Variants in HSF2BP observed in about 807,000 individuals in gnomAD.
HSF2BP encodes heat shock transcription factor 2 binding protein.
Under a neutral mutation model 35.0 loss-of-function variants are expected in HSF2BP, and 35 were observed. The observed-to-expected ratio is 1.00, with a 90% confidence interval of 0.76 to 1.32. HSF2BP has a LOEUF of 1.32. Among genes scored for constraint, HSF2BP ranks in the 40% most tolerant of loss-of-function variants. HSF2BP has a pLI of 0.00. For synonymous variants in HSF2BP, 114 were observed against 117.4 expected (o/e 0.97, Z 0.18); for missense variants, 326 against 321.7 (o/e 1.01, Z -0.10).
At chr21:43,637,337 T>A (rs756311136) in intron 4 of HSF2BP, among the ~76,000 whole-genome samples, 1 of 152,172 alleles carries the variant, frequency 6.6e-6, no homozygotes, top group South Asian at 2.1e-4. Flanking sequence ...ATTCTGTTCC[T>A]ACAAAATATT....
At chr21:43,633,141 A>T in intron 5 of HSF2BP, 131 bp downstream of exon 5, 1 of 928,494 alleles carries the variant, frequency 1.1e-6, no homozygotes, top group Non-Finnish European at 1.6e-6. Context: ...GTATTCAATA[A>T]CTAGCTGATG....
At chr21:43,637,272 C>G (rs2082575809) in intron 4 of HSF2BP, among the ~76,000 whole-genome samples, 1 of 152,088 alleles carries the variant, frequency 6.6e-6, no homozygotes, top group African/African-American at 2.4e-5. Context: ...CACAAATAAA[C>G]CTTCAAAACA....
intron 4 of HSF2BP, among the ~76,000 whole-genome samples, chr21:43,638,820 C>T (rs748911469): frequency 2.0e-5 from 3 of 152,024 alleles, no homozygotes; most frequent in Non-Finnish European, 2.9e-5. Context: ...AAAATTTATG[C>T]GGAAAAGCAA....
chr21:43,609,415 T>C (rs1418781694), intron 7 of HSF2BP, among the ~76,000 whole-genome samples: 2 of 152,160 alleles, frequency 1.3e-5, no homozygotes, highest in African/African-American at 2.4e-5. Flanking sequence ...CCTGCACATG[T>C]ACCCCCTGAA....
chr21:43,575,714 A>G (rs749084525), intron 8 of HSF2BP, among the ~76,000 whole-genome samples: 69 of 152,246 alleles, frequency 4.5e-4, no homozygotes, highest in Non-Finnish European at 8.7e-4. Context: ...GGATCCCACT[A>G]TAGACTAAAA....
intron 4 of HSF2BP, among the ~76,000 whole-genome samples, chr21:43,635,398 A>G (rs763799018): frequency 2.6e-5 from 4 of 152,236 alleles, no homozygotes; most frequent in Non-Finnish European, 4.4e-5. Context: ...GAACAATGTT[A>G]GAAGACTAAC....
chr21:43,575,096 T>C (rs906657440), intron 8 of HSF2BP, among the ~76,000 whole-genome samples: 3 of 152,242 alleles, frequency 2.0e-5, no homozygotes, highest in Non-Finnish European at 4.4e-5. Flanking sequence ...CTTCATGTCT[T>C]ATTCCCATTT....
At chr21:43,589,311 T>C (rs781477860) in intron 8 of HSF2BP, among the ~76,000 whole-genome samples, 9 of 152,224 alleles carry the variant, frequency 5.9e-5, no homozygotes, top group Non-Finnish European at 1.0e-4. Flanking sequence ...TCAGTTCCTC[T>C]GCTCTTAACA....
intron 7 of HSF2BP, among the ~76,000 whole-genome samples, chr21:43,595,163 G>A (rs1355199589): frequency 1.3e-5 from 2 of 152,196 alleles, no homozygotes; most frequent in Non-Finnish European, 2.9e-5. Context: ...TAGAGAGGCT[G>A]AGGCAGGAGA....
rs2082507581 is a variant in HSF2BP at position 43,633,308 on chromosome 21, G to T, written c.405C>A (p.Ser135=). The change falls in exon 5 of 9, where the codon TCC becomes TCA. Residue 135 remains serine (S), a synonymous_variant. Transcript: ENST00000291560. ...TGGCCTTGACGACTTCCTCACTGCT[G>T]GAGACACCCCACAAGAGGGTACACG... ...AAACTLLWGV[S]SSEEVVKAIL... The T allele has an allele frequency of 1.2e-6, 2 of 1,613,716 alleles. No homozygotes were observed. The highest frequency in any genetic ancestry group is 2.2e-5 in the South Asian group (2 of 91,012).
chr21:43,581,910 T>G (rs564717513), intron 8 of HSF2BP, among the ~76,000 whole-genome samples: 2 of 120,234 alleles, frequency 1.7e-5, no homozygotes, highest in African/African-American at 7.0e-5. Context: ...AATGAGGCCC[T>G]GCTGTGGGAG....
intron 6 of HSF2BP, among the ~76,000 whole-genome samples, chr21:43,617,824 T>C (rs866814534): frequency 6.6e-6 from 1 of 151,858 alleles, no homozygotes; most frequent in Non-Finnish European, 1.5e-5. Context: ...TGTGGTGGCA[T>C]GCACCTGTAA....
At chr21:43,618,849 G>A (rs1050063156) in intron 6 of HSF2BP, among the ~76,000 whole-genome samples, 1 of 151,754 alleles carries the variant, frequency 6.6e-6, no homozygotes, top group Non-Finnish European at 1.5e-5. Flanking sequence ...GGATGCTGAG[G>A]CAAAAGAATG....
chr21:43,640,099 C>T (rs1002521118), intron 4 of HSF2BP, among the ~76,000 whole-genome samples: 1 of 152,102 alleles, frequency 6.6e-6, no homozygotes, highest in Non-Finnish European at 1.5e-5. Flanking sequence ...CCCAGGGGTT[C>T]AAGACCAGCC....
intron 6 of HSF2BP, among the ~76,000 whole-genome samples, chr21:43,624,743 T>C (rs1014444806): frequency 1.3e-5 from 2 of 152,196 alleles, no homozygotes; most frequent in African/African-American, 4.8e-5. Flanking sequence ...ACAATCATGA[T>C]TTTCAAATCA....
At chr21:43,582,429 G>A (rs1206033897) in intron 8 of HSF2BP, among the ~76,000 whole-genome samples, 3 of 149,062 alleles carry the variant, frequency 2.0e-5, no homozygotes, top group Admixed American at 1.3e-4. Flanking sequence ...GGCCTGTTGC[G>A]GGAGATGAGT....
In HSF2BP at chr21:43,656,572, AAAATGAAG is replaced by A. The variant is rs746391400; in HGVS notation, c.187+7_187+14del. The A allele has an allele frequency of 6.2e-7, 1 of 1,603,710 alleles. No homozygotes were observed. The highest frequency in any genetic ancestry group is 1.7e-4 in the Middle Eastern group (1 of 6,026). On this transcript the variant is annotated splice_region_variant and intron_variant, in intron 3 of 8. Coordinates refer to ENST00000291560, the MANE Select transcript of HSF2BP (RefSeq NM_007031.2). Reference sequence around the variant, plus strand: ...TTACTGTTACCACCAATGACTGCTGAAAATGAAGACTCACTTTTTTCTACAATCTTTAA... The same window carrying A: ...TTACTGTTACCACCAATGACTGCTGAACTCACTTTTTTCTACAATCTTTAA...
chr21:43,467,931 C>CCA, the HSF2BP span, among the ~76,000 whole-genome samples: 10 of 114,232 alleles, frequency 8.8e-5, no homozygotes, highest in South Asian at 3.1e-4. Context: ...ACACCACACA[C>CCA]CACACACACA....
intron 8 of HSF2BP, among the ~76,000 whole-genome samples, chr21:43,585,428 TG>T (rs2081836403): frequency 6.6e-6 from 1 of 152,092 alleles, no homozygotes; most frequent in Non-Finnish European, 1.5e-5. Flanking sequence ...CCTGGAAGGA[TG>T]GAACATAGGG....
Sources: allele counts gnomAD v4.1 joint callset (sites outside exome capture counted in the v4.1 genomes callset), GRCh38; gene constraint gnomAD v4.1.1; transcripts MANE v1.5; gene names NCBI Gene and HGNC (gene_info 2026-07-23, HGNC 2026-07-21).